The following COL6A5 variants were observed in gnomAD, a reference collection of about 807,000 sequenced individuals.
COL6A5 encodes collagen alpha-5(VI) chain.
Under a neutral mutation model 65.6 loss-of-function variants are expected in COL6A5, and 48 were observed. That is an observed-to-expected ratio of 0.73 (90% CI 0.58 to 0.93). The LOEUF is 0.93. COL6A5 is among the 40% of genes least tolerant of loss of function. The probability of loss-of-function intolerance (pLI) is 0.00; values close to 1 mark genes in which losing one functional copy is unlikely to be tolerated. For missense variants in COL6A5, 914 were observed against 928.3 expected (o/e 0.98, Z 0.20); for synonymous variants, 291 against 322.8 (o/e 0.90, Z 1.05).
chr3:130,446,641 G>A (rs1277680641), intron 4 of COL6A5, among the ~76,000 whole-genome samples: 1 of 152,068 alleles, frequency 6.6e-6, no homozygotes, highest in African/African-American at 2.4e-5. Context: ...ACGTCTGAGG[G>A]CAGTCTCTGA....
At chr3:130,371,479 A>C (rs1935555943) in intron 1 of COL6A5, among the ~76,000 whole-genome samples, 1 of 152,236 alleles carries the variant, frequency 6.6e-6, no homozygotes, top group Non-Finnish European at 1.5e-5. Context: ...ACAGAAATAT[A>C]GATGAATAGA....
intron 5 of COL6A5, among the ~76,000 whole-genome samples, chr3:130,461,111 G>T (rs1395148815): frequency 6.6e-6 from 1 of 151,972 alleles, no homozygotes; most frequent in Non-Finnish European, 1.5e-5. Context: ...CCCTGAAGTG[G>T]ACTTTTTGGG....
chr3:130,368,568 T>C (rs1347223387), intron 1 of COL6A5, among the ~76,000 whole-genome samples: 2 of 151,226 alleles, frequency 1.3e-5, no homozygotes, highest in Non-Finnish European at 2.9e-5. Context: ...TGTGTGTTAC[T>C]GGGTAAGGAG....
chr3:130,423,869 C>A (rs1937557785), exon 29 of COL6A5: 1 of 1,549,768 alleles, frequency 6.5e-7, no homozygotes, highest in Non-Finnish European at 8.7e-7. Context: ...GAAGAGGGAT[C>A]TCGAGGACTC....
chr3:130,381,475 A>G (rs1049503492), intron 4 of COL6A5, among the ~76,000 whole-genome samples: 88 of 152,038 alleles, frequency 5.8e-4, no homozygotes, highest in Non-Finnish European at 3.4e-4. Context: ...CTGTATTTTT[A>G]TGCACAATCA....
At chr3:130,362,252 T>TCTCTCTCTCTCTCTCTCTCTC (rs1935135834) in intron 1 of COL6A5, among the ~76,000 whole-genome samples, 2 of 114,364 alleles carry the variant, frequency 1.7e-5, no homozygotes, top group East Asian at 3.0e-4. Flanking sequence ...TAAGGTTTCT[T>TCTCTCTCTCTCTCTCTCTCTC]TCTCTCTCTC....
At position 130,413,530 on chromosome 3, in the gene COL6A5, C is replaced by T; in HGVS notation, c.4663-15C>T. The T allele has an allele frequency of 1.3e-6, 2 of 1,547,546 alleles. No individual in the cohort carries two copies. Among genetic ancestry groups the T allele is most frequent in the Non-Finnish European group, 8.7e-7 (1 of 1,143,672 alleles). ...CAGACATCCACATACTAACAGTTTG[C>T]CTTTTCTGTCCCAGGGAAGAGAAGG... On this transcript the variant is annotated splice_polypyrimidine_tract_variant and intron_variant and NMD_transcript_variant, in intron 20 of 41. Transcript: ENST00000312481.
intron 1 of COL6A5, among the ~76,000 whole-genome samples, chr3:130,368,038 C>T (rs1935404157): frequency 6.6e-6 from 1 of 152,196 alleles, no homozygotes. Context: ...GGTCCTAGTA[C>T]TGCTGCCAAA....
chr3:130,464,153 A>G (rs1257961340), intron 5 of COL6A5, among the ~76,000 whole-genome samples: 2 of 151,864 alleles, frequency 1.3e-5, no homozygotes, highest in Non-Finnish European at 2.9e-5. Flanking sequence ...CTTTTTAGAG[A>G]TAGGATTTTG....
intron 1 of COL6A5, among the ~76,000 whole-genome samples, chr3:130,432,535 G>A (rs1937865169): frequency 7.6e-6 from 1 of 131,378 alleles, no homozygotes; most frequent in Non-Finnish European, 1.6e-5. Context: ...TGGCAACAGA[G>A]AAAGACTCTG....
chr3:130,402,945 T>C (rs1329800245), intron 12 of COL6A5, among the ~76,000 whole-genome samples: 1 of 152,212 alleles, frequency 6.6e-6, no homozygotes, highest in Non-Finnish European at 1.5e-5. Flanking sequence ...ACAATTTATA[T>C]TGAACTTTTT....
chr3:130,374,465 T>G (rs1406581514), intron 2 of COL6A5, among the ~76,000 whole-genome samples: 1 of 152,040 alleles, frequency 6.6e-6, no homozygotes, highest in East Asian at 1.9e-4. Context: ...TATAATCGTA[T>G]TTTTTTGAGA....
chr3:130,376,505 G>T, exon 3 of COL6A5: 1 of 1,604,426 alleles, frequency 6.2e-7, no homozygotes, highest in Non-Finnish European at 8.5e-7. Context: ...AGATAGGAAA[G>T]GCTCTTCAGG....
intron 13 of COL6A5, among the ~76,000 whole-genome samples, chr3:130,404,420 G>A (rs1936918273): frequency 6.6e-6 from 1 of 152,196 alleles, no homozygotes; most frequent in South Asian, 2.1e-4. Context: ...GCTGCCAAGA[G>A]TTGGCCTAGA....
chr3:130,414,192 G>T, intron 22 of COL6A5, 61 bp downstream of exon 22: 1 of 1,265,482 alleles, frequency 7.9e-7, no homozygotes, highest in South Asian at 1.3e-5. Context: ...ATGGGAAGAA[G>T]GCAGGTATTT....
chr3:130,406,433 C>T (rs1265605965), intron 17 of COL6A5, 112 bp downstream of exon 17: 2 of 775,744 alleles, frequency 2.6e-6, no homozygotes, highest in Non-Finnish European at 4.3e-6. Flanking sequence ...GACTTAACCA[C>T]ATAATGAAGG....
At chr3:130,432,086 G>A (rs1937842231) in intron 1 of COL6A5, 137 bp downstream of exon 33, 5 of 857,974 alleles carry the variant, frequency 5.8e-6, no homozygotes, top group Non-Finnish European at 1.8e-6. Context: ...CAGCTATATT[G>A]TTGTCAATGT....
chr3:130,376,084 A>G (rs1444111000), intron 2 of COL6A5, among the ~76,000 whole-genome samples, 153 bp from the exon 3 acceptor site: 6 of 152,172 alleles, frequency 3.9e-5, no homozygotes, highest in Non-Finnish European at 5.9e-5. Flanking sequence ...AGCAAAGGCA[A>G]TTATATTTTC....
chr3:130,409,392 A>G lies in COL6A5; in HGVS notation c.4542+4A>G. 6.5e-7 allele frequency: 1 copy of G among 1,548,096 alleles called. No homozygotes were observed. The highest frequency in any genetic ancestry group is 8.7e-7 in the Non-Finnish European group (1 of 1,145,268). On this transcript the variant is annotated splice_donor_region_variant and intron_variant and NMD_transcript_variant, in intron 18 of 41. Coordinates refer to the COL6A5 transcript ENST00000312481. The stretch of plus-strand genomic sequence containing the variant: ...GAAGGGCTTCCCAGGGGATCCGGTA[A>G]GTTTCTAGGGCCCAGTTGGCTCTGA...
Sources: gnomAD v4.1 joint callset for allele counts (sites outside exome capture counted in the v4.1 genomes callset) on GRCh38, gnomAD v4.1.1 for gene constraint, MANE v1.5 for transcripts, NCBI Gene and HGNC (gene_info 2026-07-23, HGNC 2026-07-21) for gene names.